SHROOM3: variants seen among roughly 807,000 people sequenced by gnomAD.
SHROOM3 encodes the protein shroom family member 3.
In SHROOM3, 47 loss-of-function variants were observed where a neutral mutation model predicts 138.6. The ratio of observed to expected loss-of-function variants is 0.34; its 90% CI spans 0.27 to 0.43. SHROOM3 has a LOEUF of 0.43. Ranked by LOEUF, SHROOM3 falls within the 20% of genes least tolerant of loss-of-function variation. The pLI is 1.00. For missense variants in SHROOM3, 2,491 were observed against 2,596.5 expected (o/e 0.96, Z 0.88); for synonymous variants, 1,062 against 1,063.3 (o/e 1.00, Z 0.02).
At chr4:76,443,864 A>G (rs925696823) in intron 1 of SHROOM3, among the ~76,000 whole-genome samples, 1 of 152,056 alleles carries the variant, frequency 6.6e-6, no homozygotes, top group Non-Finnish European at 1.5e-5. Flanking sequence ...ACATTTTTTC[A>G]TTCCTCAATA....
At chr4:76,576,774 C>T (rs1446370307) in intron 2 of SHROOM3, among the ~76,000 whole-genome samples, 1 of 151,840 alleles carries the variant, frequency 6.6e-6, no homozygotes, top group South Asian at 2.1e-4. Flanking sequence ...AATGTATACA[C>T]CTACTTTATA....
chr4:76,742,514 G>A (rs1316697849), intron 5 of SHROOM3, among the ~76,000 whole-genome samples: 2 of 151,940 alleles, frequency 1.3e-5, no homozygotes, highest in Non-Finnish European at 2.9e-5. Flanking sequence ...CCTGTCTCTC[G>A]GACTCCCACC....
chr4:76,602,132 C>G (rs979226815), intron 2 of SHROOM3, among the ~76,000 whole-genome samples: 3 of 152,310 alleles, frequency 2.0e-5, no homozygotes, highest in East Asian at 3.9e-4. Flanking sequence ...CATCCAGGAG[C>G]AATTACAGAA....
At chr4:76,769,018 T>C (rs1333926127) in intron 9 of SHROOM3, among the ~76,000 whole-genome samples, 1 of 152,252 alleles carries the variant, frequency 6.6e-6, no homozygotes. Flanking sequence ...ATTACATTCC[T>C]AATGGACCTT....
rs187061629 is a variant in SHROOM3, at chr4:76,744,507, A to G, written c.3753+2581A>G. Among the ~76,000 whole-genome samples the G allele has an allele frequency of 6.6e-5, 10 of 152,264 alleles. No individual in the cohort carries two copies. The East Asian group carries it at 1.9e-3, about 29-fold the overall frequency. ...GTCTGCTCCTTGCATCCTCTTCATCATCTGCCTTATTTGTAGTTATGATGA... is the reference window on the plus strand; with the variant it reads ...GTCTGCTCCTTGCATCCTCTTCATCGTCTGCCTTATTTGTAGTTATGATGA... On this transcript the variant is annotated intron_variant, in intron 5 of 10. Coordinates refer to ENST00000296043, the MANE Select transcript of SHROOM3 (RefSeq NM_020859.4).
At chr4:76,594,125 A>G (rs1053347726) in intron 2 of SHROOM3, among the ~76,000 whole-genome samples, 1 of 152,208 alleles carries the variant, frequency 6.6e-6, no homozygotes, top group African/African-American at 2.4e-5. Context: ...GAACTAATCC[A>G]AAGTCTCACA....
intron 2 of SHROOM3, among the ~76,000 whole-genome samples, chr4:76,618,869 C>T (rs1428662997): frequency 6.6e-6 from 1 of 152,120 alleles, no homozygotes; most frequent in African/African-American, 2.4e-5. Context: ...ATTTAGTTCT[C>T]ATGTCTTTTT....
chr4:76,654,788 G>A (rs1470100747), intron 2 of SHROOM3, among the ~76,000 whole-genome samples: 3 of 152,116 alleles, frequency 2.0e-5, no homozygotes, highest in East Asian at 3.9e-4. Context: ...TATCCTATAG[G>A]AAATATATAG....
At chr4:76,678,827 A>C (rs1281371509) in intron 2 of SHROOM3, among the ~76,000 whole-genome samples, 1 of 151,852 alleles carries the variant, frequency 6.6e-6, no homozygotes, top group Non-Finnish European at 1.5e-5. Flanking sequence ...TGCCCGGCTA[A>C]TTTTTTGTAT....
At chr4:76,538,888 G>A (rs751971149) in intron 1 of SHROOM3, among the ~76,000 whole-genome samples, 9 of 152,256 alleles carry the variant, frequency 5.9e-5, no homozygotes, top group Non-Finnish European at 1.2e-4. Flanking sequence ...GTATAGTGGA[G>A]GGCTGTTCTG....
intron 2 of SHROOM3, among the ~76,000 whole-genome samples, chr4:76,667,831 G>C (rs927140602): frequency 6.6e-6 from 1 of 151,530 alleles, no homozygotes; most frequent in East Asian, 2.0e-4. Flanking sequence ...AGCTGGGCGT[G>C]GTGGCGCCCG....
In SHROOM3 at chr4:76,740,799, C is replaced by G; in HGVS notation, c.2626C>G (p.Arg876Gly). The change falls in exon 5 of 11, where the codon CGT (arginine) becomes GGT (glycine). Residue 876 changes from arginine to glycine, a missense_variant. By Grantham distance (125) the Arg-to-Gly change is moderately radical. Around this residue, in one of 4 missense-constraint regions of SHROOM3, gnomAD observed 1,733 missense variants for 1,661.6 expected, o/e 1.04. Transcript: ENST00000296043. This position sits in a 1 kb window ranked among gnomAD's most constrained non-coding sequence, Gnocchi z 4.0. The part of the protein sequence containing the change: ...QLSGGASDSG[R>G]GPQRPDARLL... ...GAGCGGAGGAGCGTCGGACAGCGGC[C>G]GTGGCCCCCAGAGGCCGGACGCTCG... The G allele has an allele frequency of 6.2e-7, 1 of 1,609,710 alleles. No individual in the cohort carries two copies.
At chr4:76,697,794 G>C (rs1467466836) in intron 2 of SHROOM3, among the ~76,000 whole-genome samples, 2 of 152,206 alleles carry the variant, frequency 1.3e-5, no homozygotes, top group African/African-American at 2.4e-5. Flanking sequence ...TGAGGACATA[G>C]ATTTTATCAG....
chr4:76,744,932 T>G (rs1163537768), intron 5 of SHROOM3, among the ~76,000 whole-genome samples: 1 of 152,238 alleles, frequency 6.6e-6, no homozygotes, highest in Non-Finnish European at 1.5e-5. Context: ...CCTCTGTATG[T>G]GACAATCGAT....
chr4:76,537,713 T>C (rs1201868077), intron 1 of SHROOM3, among the ~76,000 whole-genome samples: 7 of 152,076 alleles, frequency 4.6e-5, no homozygotes, highest in Non-Finnish European at 1.0e-4. Flanking sequence ...TGCTTTTTAG[T>C]GTAGGTAGTT....
chr4:76,687,303 T>C (rs956335868), intron 2 of SHROOM3, among the ~76,000 whole-genome samples: 2 of 152,226 alleles, frequency 1.3e-5, no homozygotes, highest in Non-Finnish European at 2.9e-5. Flanking sequence ...CATTAATATA[T>C]TTGATTTTAA....
chr4:76,742,478 G>A (rs946554019), intron 5 of SHROOM3, among the ~76,000 whole-genome samples: 1 of 152,014 alleles, frequency 6.6e-6, no homozygotes, highest in Non-Finnish European at 1.5e-5. Flanking sequence ...ATCCTGTGCA[G>A]CAGAGTATAT....
chr4:76,469,662 G>T (rs1217555113), intron 1 of SHROOM3, among the ~76,000 whole-genome samples: 1 of 152,124 alleles, frequency 6.6e-6, no homozygotes, highest in Non-Finnish European at 1.5e-5. Flanking sequence ...TCACCGGGTT[G>T]CCCAGGCTGG....
At chr4:76,544,407 CTTTTTTT>C (rs58799466) in intron 1 of SHROOM3, among the ~76,000 whole-genome samples, 14 of 75,868 alleles carry the variant, frequency 1.8e-4, no homozygotes, top group African/African-American at 3.8e-4. Flanking sequence ...AGCTCAATGG[CTTTTTTT>C]TTTTTTTTTT....
Sources: gnomAD v4.1 joint callset for allele counts (sites outside exome capture counted in the v4.1 genomes callset) on GRCh38, gnomAD v4.1.1 for gene constraint, gnomAD v4.1.1 regional missense constraint, Gnocchi (gnomAD v3.1) non-coding constraint, MANE v1.5 for transcripts, NCBI Gene and HGNC (gene_info 2026-07-23, HGNC 2026-07-21) for gene names.